Variants in SPAG9 observed in about 807,000 individuals in gnomAD.
The protein encoded by SPAG9 is C-Jun-amino-terminal kinase-interacting protein 4.
In SPAG9, 35 loss-of-function variants were observed where a neutral mutation model predicts 166.5. The ratio of observed to expected loss-of-function variants is 0.21; its 90% CI spans 0.16 to 0.28. SPAG9 has a LOEUF of 0.28. SPAG9 is among the 10% of genes least tolerant of loss of function. The pLI, the probability that SPAG9 is intolerant of heterozygous loss-of-function variation, is 1.00. For synonymous variants in SPAG9, 534 were observed against 565.5 expected (o/e 0.94, Z 0.79); for missense variants, 1,235 against 1,603.3 (o/e 0.77, Z 3.92).
At chr17:50,977,014 A>G in intron 27 of SPAG9, 94 bp downstream of exon 27, 1 of 774,208 alleles carries the variant, frequency 1.3e-6, no homozygotes, top group South Asian at 1.6e-5. Flanking sequence ...GCCATCACTG[A>G]TTTTCTGAGC....
intron 25 of SPAG9, among the ~76,000 whole-genome samples, chr17:50,981,728 A>C (rs1391798100): frequency 6.6e-6 from 1 of 151,704 alleles, no homozygotes; most frequent in Non-Finnish European, 1.5e-5. Flanking sequence ...AAAAAAAAAA[A>C]AAACCGTAAG....
chr17:51,006,549 A>C (rs1195956804), intron 10 of SPAG9, among the ~76,000 whole-genome samples: 1 of 152,246 alleles, frequency 6.6e-6, no homozygotes, highest in Non-Finnish European at 1.5e-5. Context: ...CCAATCAATA[A>C]AGTAAAATTA....
chr17:51,016,736 C>A (rs1369440829), intron 8 of SPAG9, among the ~76,000 whole-genome samples: 1 of 152,058 alleles, frequency 6.6e-6, no homozygotes, highest in Non-Finnish European at 1.5e-5. Flanking sequence ...GAAACCCCGT[C>A]TCTACTAAAA....
rs759656111 is a variant in SPAG9, at chr17:50,995,206, C to T, written c.2077G>A (p.Val693Ile). Reference sequence around the variant, plus strand: ...CTGGTCTTCCCACCAGATAAATTGACTCCAACAGCACACCACAGCTTCTCA... The same window carrying T: ...CTGGTCTTCCCACCAGATAAATTGATTCCAACAGCACACCACAGCTTCTCA... ...TSMKLWCAVG[V>I]NLSGGKTRDG... Residue 693 changes from valine (V) to isoleucine (I), a missense_variant, in exon 18 of 30, where the codon GTC becomes ATC. Val to Ile is a conservative substitution (Grantham distance 29). This residue lies in a region of SPAG9 where 493 missense variants were observed against 559.4 expected (regional missense o/e 0.88). Coordinates refer to ENST00000262013, the MANE Select transcript of SPAG9 (RefSeq NM_001130528.3). 1.9e-6 allele frequency: 3 copies of T among 1,614,050 alleles called. No individual in the cohort carries two copies. The highest frequency in any genetic ancestry group is 2.2e-5 in the East Asian group (1 of 44,878).
chr17:50,983,186 C>A (rs766903652), intron 24 of SPAG9, among the ~76,000 whole-genome samples: 12 of 152,140 alleles, frequency 7.9e-5, no homozygotes, highest in Non-Finnish European at 1.5e-4. Flanking sequence ...GAGCATACTG[C>A]CTCACAAAGC....
intron 2 of SPAG9, among the ~76,000 whole-genome samples, chr17:51,057,050 T>C (rs1392342828): frequency 1.3e-5 from 2 of 152,022 alleles, no homozygotes; most frequent in Admixed American, 6.6e-5. Context: ...AGATACAGAA[T>C]GTCAGGACAG....
intron 8 of SPAG9, among the ~76,000 whole-genome samples, chr17:51,019,349 T>C (rs1332051344): frequency 3.3e-5 from 5 of 151,768 alleles, no homozygotes; most frequent in Non-Finnish European, 5.9e-5. Context: ...CCTCAGGAGT[T>C]TGACACCAGC....
intron 1 of SPAG9, among the ~76,000 whole-genome samples, chr17:51,094,543 C>T (rs1023866616): frequency 6.6e-6 from 1 of 152,086 alleles, no homozygotes. Context: ...TTCTTATATA[C>T]AAACTATACC....
At chr17:51,006,762 C>G (rs2045236218) in intron 10 of SPAG9, among the ~76,000 whole-genome samples, 1 of 152,164 alleles carries the variant, frequency 6.6e-6, no homozygotes, top group Non-Finnish European at 1.5e-5. Context: ...GGAACCCAGT[C>G]AGCTTTTCCA....
intron 21 of SPAG9, among the ~76,000 whole-genome samples, chr17:50,989,169 A>G (rs190707861): frequency 6.6e-6 from 1 of 152,358 alleles, no homozygotes; most frequent in African/African-American, 2.4e-5. Context: ...TGGTTCCACA[A>G]GATTATACTA....
intron 4 of SPAG9, among the ~76,000 whole-genome samples, chr17:51,044,947 C>T (rs546835184): frequency 6.6e-6 from 1 of 152,294 alleles, no homozygotes; most frequent in Admixed American, 6.5e-5. Flanking sequence ...GTAGCTAAAA[C>T]AATTTCTGCT....
In SPAG9 at chr17:51,005,171, C is replaced by T. The variant is rs769452751; in HGVS notation, c.1476+41G>A. 10 of 1,570,172 alleles carry T rather than the reference C, an allele frequency of 6.4e-6. No individual in the cohort carries two copies. The South Asian group carries it at 8.9e-5, about 14-fold the overall frequency. The stretch of plus-strand genomic sequence containing the variant: ...GGAAGATCTTCCCGAAACACCAAAA[C>T]ATGGTAAGGTAAGAAAAAAAGTCCA... On this transcript the variant is annotated intron_variant, in intron 12 of 29. Transcript: ENST00000262013.
chr17:51,061,137 C>T (rs551351341), intron 2 of SPAG9, among the ~76,000 whole-genome samples: 7 of 128,772 alleles, frequency 5.4e-5, no homozygotes, highest in South Asian at 2.6e-4. Flanking sequence ...TAAGCCACCG[C>T]GCCCCACCGA....
rs397856959 is a variant in SPAG9 at position 51,117,708 on chromosome 17, CAAAAAAAAAA to C, written c.303+2636_303+2645del. Among the ~76,000 whole-genome samples the C allele has an allele frequency of 4.8e-4, 20 of 41,738 alleles. No individual in the cohort carries two copies. The East Asian group carries it at 4.8e-3, about 10-fold the overall frequency. 27.4% of individuals were successfully genotyped at this position (41,738 alleles called of 152,430 possible). A position where few individuals can be genotyped will look rare whatever the true frequency, so the allele number is the denominator to read the frequency against. On this transcript the variant is annotated intron_variant, in intron 1 of 29. Coordinates refer to ENST00000262013, the MANE Select transcript of SPAG9 (RefSeq NM_001130528.3). ...TGGGTGACAGAGCAAGACTCCGTCT[CAAAAAAAAAA>C]AAAAAAAAAAAAAAGGCGCAAACAA...
chr17:51,094,494 T>C (rs2048557923), intron 1 of SPAG9, among the ~76,000 whole-genome samples: 1 of 152,172 alleles, frequency 6.6e-6, no homozygotes. Context: ...ACTTGGAAAT[T>C]ATTAAAGTAT....
At chr17:51,104,959 G>T in intron 1 of SPAG9, among the ~76,000 whole-genome samples, 2 of 136,008 alleles carry the variant, frequency 1.5e-5, no homozygotes, top group Non-Finnish European at 3.2e-5. Flanking sequence ...AGCTGGGTGT[G>T]GTGGCAGGCG....
chr17:51,088,734 C>G (rs904202306), intron 1 of SPAG9, among the ~76,000 whole-genome samples: 4 of 151,096 alleles, frequency 2.6e-5, no homozygotes, highest in African/African-American at 9.7e-5. Context: ...GTCGGCAGAG[C>G]TTGCAGTGAG....
chr17:51,053,231 A>G (rs919207842), intron 3 of SPAG9, among the ~76,000 whole-genome samples: 2 of 150,742 alleles, frequency 1.3e-5, no homozygotes, highest in Non-Finnish European at 3.0e-5. Flanking sequence ...TAAATTATAA[A>G]TTTATCAATT....
chr17:51,014,392 C>T (rs372281600), intron 8 of SPAG9, 39 bp from the exon 9 acceptor site: 5 of 1,574,128 alleles, frequency 3.2e-6, no homozygotes, highest in Non-Finnish European at 4.3e-6. Context: ...CAACAAATGA[C>T]AAAGACTTTT....
Sources: gnomAD v4.1 joint callset for allele counts (sites outside exome capture counted in the v4.1 genomes callset) on GRCh38, gnomAD v4.1.1 for gene constraint, gnomAD v4.1.1 regional missense constraint, MANE v1.5 for transcripts, NCBI Gene and HGNC (gene_info 2026-07-23, HGNC 2026-07-21) for gene names.